CAPN14: variants seen among roughly 807,000 people sequenced by gnomAD.
The protein encoded by CAPN14 is calpain-14.
In CAPN14, 94 loss-of-function variants were observed where a neutral mutation model predicts 101.3. That is an observed-to-expected ratio of 0.93 (90% CI 0.79 to 1.10). CAPN14 has a LOEUF of 1.10. Ranked by LOEUF, CAPN14 falls within the 50% of genes least tolerant of loss-of-function variation. The pLI is 0.00. For missense variants in CAPN14, 837 were observed against 828.4 expected (o/e 1.01, Z -0.13); for synonymous variants, 338 against 317.9 (o/e 1.06, Z -0.67).
At chr2:31,216,462 G>A (rs949071908) in intron 1 of CAPN14, among the ~76,000 whole-genome samples, 1 of 152,090 alleles carries the variant, frequency 6.6e-6, no homozygotes, top group Non-Finnish European at 1.5e-5. Flanking sequence ...GTACAGGATG[G>A]ATTAGACAGA....
chr2:31,184,080 A>G (rs1417617798), intron 16 of CAPN14, among the ~76,000 whole-genome samples: 2 of 152,040 alleles, frequency 1.3e-5, no homozygotes, highest in African/African-American at 4.8e-5. Flanking sequence ...ACAGGGTTTC[A>G]CCATGTTGGC....
intron 17 of CAPN14, among the ~76,000 whole-genome samples, chr2:31,180,486 C>A (rs752081508): frequency 6.6e-6 from 1 of 152,156 alleles, no homozygotes; most frequent in Admixed American, 6.5e-5. Flanking sequence ...TGTTTAACTT[C>A]CCTGAGCACT....
chr2:31,189,822 CAG>C (rs1345058749), intron 12 of CAPN14, among the ~76,000 whole-genome samples: 2 of 152,148 alleles, frequency 1.3e-5, no homozygotes, highest in Non-Finnish European at 2.9e-5. Context: ...GTCATCTGCC[CAG>C]AGTCATCAGC....
intron 11 of CAPN14, 27 bp downstream of exon 11, chr2:31,191,908 G>GT: frequency 2.0e-6 from 3 of 1,520,942 alleles, no homozygotes; most frequent in Middle Eastern, 1.8e-4. Context: ...TTGGTCCCAT[G>GT]CCCCTGTGGT....
chr2:31,178,221 G>C (rs922432769), intron 18 of CAPN14, among the ~76,000 whole-genome samples: 1 of 152,176 alleles, frequency 6.6e-6, no homozygotes, highest in African/African-American at 2.4e-5. Flanking sequence ...TAAATGCCAA[G>C]TGTGCCAAGG....
chr2:31,174,196 C>G lies in CAPN14; in HGVS notation c.*485G>C, dbSNP rs1018892083. On this transcript the variant is annotated 3_prime_UTR_variant, in exon 22 of 22. Coordinates refer to ENST00000403897, the MANE Select transcript of CAPN14 (RefSeq NM_001145122.2). ...TGACCCCATCCCCAAACAGCTGAAA[C>G]TTAGCCTATGTCTCTATCAATTTGC... The G allele has an allele frequency of 5.8e-6, 1 of 170,982 alleles. No homozygotes were observed. The highest frequency in any genetic ancestry group is 1.8e-4 in the East Asian group (1 of 5,568). 10.6% of individuals were successfully genotyped at this position (170,982 alleles called of 1,614,324 possible).
intron 1 of CAPN14, among the ~76,000 whole-genome samples, chr2:31,231,746 G>A (rs577732332): frequency 5.9e-5 from 9 of 152,214 alleles, no homozygotes; most frequent in Admixed American, 5.9e-4. Flanking sequence ...CTGTCACGCT[G>A]GCCATACTGA....
intron 8 of CAPN14, among the ~76,000 whole-genome samples, chr2:31,194,939 G>C (rs1259261336): frequency 6.6e-6 from 1 of 152,194 alleles, no homozygotes; most frequent in Non-Finnish European, 1.5e-5. Flanking sequence ...TCAGATATTG[G>C]ACAGCAGGCA....
At chr2:31,178,700 T>C (rs989255834) in intron 17 of CAPN14, 121 bp from the exon 18 acceptor site, 38 of 642,904 alleles carry the variant, frequency 5.9e-5, no homozygotes, top group Non-Finnish European at 9.6e-5. Context: ...TGTCTGATCA[T>C]GTCTGATTTC....
intron 17 of CAPN14, among the ~76,000 whole-genome samples, chr2:31,179,541 G>A (rs149864795): frequency 0.047 from 7,211 of 152,256 alleles, 159 homozygotes; most frequent in Middle Eastern, 0.065. Context: ...ACATGTGCAT[G>A]TGTCTTTACA....
chr2:31,182,999 T>C (rs1030498313), intron 16 of CAPN14, among the ~76,000 whole-genome samples: 53 of 152,144 alleles, frequency 3.5e-4, no homozygotes, highest in East Asian at 1.2e-3. Flanking sequence ...TATAGATCAA[T>C]GGAACAGAAC....
At chr2:31,189,245 C>A in intron 13 of CAPN14, 28 bp downstream of exon 13, 1 of 1,546,390 alleles carries the variant, frequency 6.5e-7, no homozygotes, top group Non-Finnish European at 8.7e-7. Flanking sequence ...GTGGTCCCCA[C>A]CCTCTAGGAG....
chr2:31,180,968 C>A lies in CAPN14; in HGVS notation c.1678G>T (p.Glu560Ter). Reference sequence around the variant, plus strand: ...AAGGCCAGGATCCCCTGGCAGGCTTCCAGGCTAAAGAAGGGCTGTCTGCTC... The same window carrying A: ...AAGGCCAGGATCCCCTGGCAGGCTTACAGGCTAAAGAAGGGCTGTCTGCTC... ...LGSRQPFFSL[E>*]ACQGILALLD... Residue 560 changes from glutamate to a stop codon, truncating the protein, a stop_gained, in exon 17 of 22, where the codon GAA becomes TAA. Transcript: ENST00000403897. LOFTEE classifies it high-confidence loss of function. The A allele has an allele frequency of 6.4e-7, 1 of 1,551,856 alleles. No individual in the cohort carries two copies.
At chr2:31,194,074 C>T (rs1681349367) in intron 9 of CAPN14, among the ~76,000 whole-genome samples, 1 of 152,180 alleles carries the variant, frequency 6.6e-6, no homozygotes, top group African/African-American at 2.4e-5. Flanking sequence ...ACTTTGCAGT[C>T]TCTTCCTACC....
At chr2:31,176,885 T>C in intron 20 of CAPN14, 141 bp downstream of exon 20, 2 of 706,352 alleles carry the variant, frequency 2.8e-6, no homozygotes, top group Non-Finnish European at 4.9e-6. Flanking sequence ...CACAGGCACT[T>C]GGCTGGAGGT....
intron 16 of CAPN14, among the ~76,000 whole-genome samples, chr2:31,182,473 C>G (rs1203404516): frequency 7.4e-6 from 1 of 135,652 alleles, no homozygotes; most frequent in East Asian, 2.0e-4. Context: ...AGCTGATAAG[C>G]AACTTCAGCA....
intron 21 of CAPN14, among the ~76,000 whole-genome samples, chr2:31,176,331 A>G (rs1340668827): frequency 6.6e-6 from 1 of 152,234 alleles, no homozygotes; most frequent in East Asian, 1.9e-4. Flanking sequence ...AAGTTTTGTA[A>G]ATTTGTCACA....
rs1388712031 is a variant in CAPN14 at position 31,173,220 on chromosome 2, T to C, written c.*1461A>G. On this transcript the variant is annotated 3_prime_UTR_variant, in exon 22 of 22. Coordinates refer to ENST00000403897, the MANE Select transcript of CAPN14 (RefSeq NM_001145122.2). ...AACATCTCATGTATCTGGCACTTTATGGAAACCCATTTTACATTTTATCAT... is the reference window on the plus strand; with the variant it reads ...AACATCTCATGTATCTGGCACTTTACGGAAACCCATTTTACATTTTATCAT... The C allele has an allele frequency of 1.3e-5, 2 of 152,244 alleles. No homozygotes were observed. Among genetic ancestry groups the C allele is most frequent in the African/African-American group, 4.8e-5 (2 of 41,464 alleles). The allele number at this position is 152,244 out of a possible 1,614,324, so 9.4% of individuals were successfully genotyped here.
chr2:31,209,815 C>A lies in CAPN14; in HGVS notation c.-52-4316G>T, dbSNP rs72786908. On this transcript the variant is annotated intron_variant, in intron 1 of 21. Transcript: ENST00000403897. ...TGCCATGTTAGTACCTTGTAATTGG[C>A]CATCATGGGAGTGTCCATACCATGG... Among the ~76,000 whole-genome samples the A allele has an allele frequency of 4.6e-3, 707 of 152,164 alleles. 3 individuals are homozygous for A. Among genetic ancestry groups the A allele is most frequent in the Non-Finnish European group, 7.9e-3 (536 of 68,022 alleles).
Sources: allele counts gnomAD v4.1 joint callset (sites outside exome capture counted in the v4.1 genomes callset), GRCh38; gene constraint gnomAD v4.1.1; transcripts MANE v1.5; gene names NCBI Gene and HGNC (gene_info 2026-07-23, HGNC 2026-07-21).